Variants in TRMT9B observed in about 807,000 individuals in gnomAD.
The protein encoded by TRMT9B is probable tRNA methyltransferase 9B.
In TRMT9B, 16 loss-of-function variants were observed where a neutral mutation model predicts 11.5. That is an observed-to-expected ratio of 1.39 (90% CI 0.94 to 2.11). The LOEUF is 2.11. TRMT9B is among the 30% of genes most tolerant of loss of function. The pLI is 0.00. For synonymous variants in TRMT9B, 274 were observed against 192.4 expected (o/e 1.42, Z -3.51); for missense variants, 941 against 553.8 (o/e 1.70, Z -7.02).
intron 1 of TRMT9B, among the ~76,000 whole-genome samples, chr8:12,948,148 T>C (rs978079466): frequency 6.6e-6 from 1 of 152,190 alleles, no homozygotes; most frequent in African/African-American, 2.4e-5. Flanking sequence ...CTGAACATGA[T>C]AGCTTGGTTT....
chr8:13,006,507 C>T, intron 3 of TRMT9B, 151 bp downstream of exon 3: 1 of 1,476,336 alleles, frequency 6.8e-7, no homozygotes, highest in Admixed American at 2.6e-5. Context: ...CATGAAATAC[C>T]TTCCATTGAG....
At chr8:12,964,329 T>C (rs913875725) in intron 1 of TRMT9B, among the ~76,000 whole-genome samples, 1 of 152,216 alleles carries the variant, frequency 6.6e-6, no homozygotes, top group Non-Finnish European at 1.5e-5. Flanking sequence ...TTTTACAAAA[T>C]AGATGGCCTC....
Position 13,024,677 on chromosome 8 carries a change from A to G in TRMT9B, c.*2633A>G, listed in dbSNP as rs542348988. 6.0e-6 allele frequency: 1 copy of G among 167,176 alleles called. No homozygotes were observed. Among genetic ancestry groups the G allele is most frequent in the South Asian group, 2.1e-4 (1 of 4,828 alleles). 10.4% of individuals were successfully genotyped at this position (167,176 alleles called of 1,614,324 possible). On this transcript the variant is annotated 3_prime_UTR_variant, in exon 5 of 5. Transcript: ENST00000524591. ...AGATGTGCACACACCACTTTGTATG[A>G]AAGGGTTCTCTAGAACGGTTCTTTG...
At chr8:12,967,256 C>G (rs1009049471) in intron 1 of TRMT9B, among the ~76,000 whole-genome samples, 2 of 152,152 alleles carry the variant, frequency 1.3e-5, no homozygotes, top group Admixed American at 6.5e-5. Context: ...GTGGGTTGAA[C>G]AAAGGCATAG....
chr8:12,953,442 C>T (rs1412445852), intron 1 of TRMT9B, among the ~76,000 whole-genome samples: 4 of 152,082 alleles, frequency 2.6e-5, no homozygotes, highest in Non-Finnish European at 4.4e-5. Flanking sequence ...TTCCGTCTCC[C>T]GAGTTCAACC....
intron 2 of TRMT9B, among the ~76,000 whole-genome samples, chr8:12,993,253 G>A (rs189529829): frequency 3.3e-5 from 5 of 152,270 alleles, no homozygotes; most frequent in Admixed American, 2.0e-4. Context: ...CTTTCAAGAA[G>A]GAGTGAATAT....
chr8:12,986,669 G>T (rs1041652358), intron 1 of TRMT9B, among the ~76,000 whole-genome samples: 15 of 152,208 alleles, frequency 9.9e-5, no homozygotes, highest in African/African-American at 3.6e-4. Context: ...GCTTTACCTT[G>T]TATTCTTTCT....
At chr8:12,972,897 C>G (rs969031410) in intron 1 of TRMT9B, among the ~76,000 whole-genome samples, 1 of 152,178 alleles carries the variant, frequency 6.6e-6, no homozygotes, top group African/African-American at 2.4e-5. Flanking sequence ...AATACATTAA[C>G]AGTCTTGTGC....
In TRMT9B at chr8:13,021,174, T is replaced by A; in HGVS notation, c.495T>A (p.Cys165Ter). Residue 165 changes from cysteine (C) to a stop codon, truncating the protein, a stop_gained, in exon 5 of 5, where the codon TGT becomes TGA. Coordinates refer to ENST00000524591, the MANE Select transcript of TRMT9B (RefSeq NM_020844.3). LOFTEE classifies it low-confidence loss of function (END_TRUNC). ...TTGTTCCATGGAACAGGGCTCTGTG[T>A]TCCCAGCTCTTCTCAGAGTCCAGCC... ...DVLVPWNRAL[C>*]SQLFSESSQS... 6.2e-7 allele frequency: 1 copy of A among 1,613,848 alleles called. No individual in the cohort carries two copies. Among genetic ancestry groups the A allele is most frequent in the Non-Finnish European group, 8.5e-7 (1 of 1,179,816 alleles).
chr8:13,010,129 C>T (rs1811315282), intron 3 of TRMT9B: 1 of 447,232 alleles, frequency 2.2e-6, no homozygotes, highest in Non-Finnish European at 2.9e-6. Flanking sequence ...CATAGTGAGA[C>T]CCTATCTGAA....
chr8:12,984,694 G>C (rs1284411388), intron 1 of TRMT9B, among the ~76,000 whole-genome samples: 1 of 152,050 alleles, frequency 6.6e-6, no homozygotes, highest in Non-Finnish European at 1.5e-5. Flanking sequence ...TTGTCAAACT[G>C]ACACCAGCAG....
At chr8:13,015,329 G>A (rs543497831) in intron 4 of TRMT9B, among the ~76,000 whole-genome samples, 14 of 151,180 alleles carry the variant, frequency 9.3e-5, no homozygotes, top group Middle Eastern at 6.8e-3. Flanking sequence ...TACATGTCTC[G>A]CCTCCCTAAC....
chr8:13,012,157 G>A (rs1811730696), intron 3 of TRMT9B: 2 of 985,316 alleles, frequency 2.0e-6, no homozygotes, highest in African/African-American at 1.7e-5. Context: ...TTCAATAAAT[G>A]TTATTTTTTT....
At chr8:12,951,235 C>G (rs1460527817) in intron 1 of TRMT9B, 1 of 152,144 alleles carries the variant, frequency 6.6e-6, no homozygotes, top group Non-Finnish European at 1.5e-5. Context: ...TGATTTGGAG[C>G]GTCTAAGCCG....
rs1336950617 is a variant in TRMT9B at position 13,027,266 on chromosome 8, G to A, written c.*5222G>A. 1 of 166,978 alleles carries A rather than the reference G, an allele frequency of 6.0e-6. No individual in the cohort carries two copies. 10.3% of individuals were successfully genotyped at this position (166,978 alleles called of 1,614,324 possible). A position where few individuals can be genotyped will look rare whatever the true frequency, so the allele number is the denominator to read the frequency against. On this transcript the variant is annotated 3_prime_UTR_variant, in exon 5 of 5. Transcript: ENST00000524591. ...TTAACTGACCCACAGGTGCCAAGCT[G>A]AAACATTCTTCGTATTCCCTGTGTG...
chr8:12,956,342 T>C (rs544423997), intron 1 of TRMT9B, among the ~76,000 whole-genome samples: 1 of 152,296 alleles, frequency 6.6e-6, no homozygotes, highest in Non-Finnish European at 1.5e-5. Context: ...GTTGTAAAAA[T>C]TTTTTAAAGG....
At chr8:12,966,985 T>C (rs1262194686) in intron 1 of TRMT9B, among the ~76,000 whole-genome samples, 1 of 152,220 alleles carries the variant, frequency 6.6e-6, no homozygotes, top group Non-Finnish European at 1.5e-5. Flanking sequence ...GGTAGTACTC[T>C]AGTACTCACC....
intron 1 of TRMT9B, among the ~76,000 whole-genome samples, chr8:12,975,042 G>C (rs1432517649): frequency 6.6e-6 from 1 of 151,210 alleles, no homozygotes; most frequent in Non-Finnish European, 1.5e-5. Context: ...TTTTAGTTGA[G>C]ATATTGAAGT....
At chr8:13,016,036 A>T (rs1331769685) in intron 4 of TRMT9B, among the ~76,000 whole-genome samples, 1 of 150,836 alleles carries the variant, frequency 6.6e-6, no homozygotes, top group Non-Finnish European at 1.5e-5. Flanking sequence ...CTTTGAGTTC[A>T]GGAGTTTGAG....
Sources: allele counts gnomAD v4.1 joint callset (sites outside exome capture counted in the v4.1 genomes callset), GRCh38; gene constraint gnomAD v4.1.1; transcripts MANE v1.5; gene names NCBI Gene and HGNC (gene_info 2026-07-23, HGNC 2026-07-21).